HDAC4: variants seen among roughly 807,000 people sequenced by gnomAD.
The protein encoded by HDAC4 is histone deacetylase 4.
HDAC4 carries 16 observed loss-of-function variants against 135.1 expected under a neutral mutation model. The ratio of observed to expected loss-of-function variants is 0.12; its 90% CI spans 0.08 to 0.18. The LOEUF (loss-of-function observed/expected upper bound fraction) is 0.18. Ranked by LOEUF, HDAC4 falls within the 10% of genes least tolerant of loss-of-function variation. HDAC4 has a pLI of 1.00. For synonymous variants in HDAC4, 685 were observed against 653.4 expected (o/e 1.05, Z -0.74); for missense variants, 1,143 against 1,511.8 (o/e 0.76, Z 4.05).
At chr2:239,275,876 T>C (rs1450926997) in intron 2 of HDAC4, among the ~76,000 whole-genome samples, 1 of 152,114 alleles carries the variant, frequency 6.6e-6, no homozygotes, top group Admixed American at 6.5e-5. Flanking sequence ...CCTGAAGGTA[T>C]GGGGCGGAGA....
chr2:239,106,921 G>A (rs574363284), intron 15 of HDAC4, among the ~76,000 whole-genome samples: 56 of 152,292 alleles, frequency 3.7e-4, no homozygotes, highest in Admixed American at 2.3e-3. Flanking sequence ...CACCCTGTGC[G>A]CTATCTGTAG....
intron 11 of HDAC4, among the ~76,000 whole-genome samples, chr2:239,129,197 C>T (rs1408426188): frequency 6.6e-6 from 1 of 152,212 alleles, no homozygotes; most frequent in Admixed American, 6.5e-5. Flanking sequence ...AAACCCAGGG[C>T]CGCCATACAC....
At chr2:239,367,982 T>C (rs1245861037) in intron 1 of HDAC4, among the ~76,000 whole-genome samples, 1 of 151,684 alleles carries the variant, frequency 6.6e-6, no homozygotes, top group Non-Finnish European at 1.5e-5. Context: ...CGTCTCAAAA[T>C]AAATAAATAA....
At chr2:239,337,890 A>G (rs1692047682) in intron 2 of HDAC4, among the ~76,000 whole-genome samples, 1 of 152,182 alleles carries the variant, frequency 6.6e-6, no homozygotes, top group African/African-American at 2.4e-5. Flanking sequence ...CAAGAGAACA[A>G]GAAATGCTGG....
chr2:239,315,302 G>A (rs990366607), intron 2 of HDAC4, among the ~76,000 whole-genome samples: 3 of 152,118 alleles, frequency 2.0e-5, no homozygotes, highest in Non-Finnish European at 2.9e-5. Context: ...AGCACCTCTT[G>A]AGGCTGTGTC....
intron 17 of HDAC4, among the ~76,000 whole-genome samples, chr2:239,093,367 C>G (rs2036701014): frequency 6.6e-6 from 1 of 152,292 alleles, no homozygotes; most frequent in East Asian, 1.9e-4. Context: ...CTTCGGCTCC[C>G]GAGGTCTACT....
At chr2:239,375,913 A>AC (rs1184373618) in intron 1 of HDAC4, among the ~76,000 whole-genome samples, 1 of 152,000 alleles carries the variant, frequency 6.6e-6, no homozygotes, top group Non-Finnish European at 1.5e-5. Flanking sequence ...CCTGGCAGTC[A>AC]CCCCACCCGA....
chr2:239,342,639 T>C (rs1353232850), intron 2 of HDAC4, among the ~76,000 whole-genome samples: 8 of 152,200 alleles, frequency 5.3e-5, no homozygotes, highest in Admixed American at 5.2e-4. Context: ...GCTCTACAGC[T>C]GCCCGTCAGC....
intron 21 of HDAC4, among the ~76,000 whole-genome samples, 161 bp downstream of exon 21, chr2:239,081,941 G>A (rs1213570603): frequency 2.0e-5 from 3 of 152,368 alleles, no homozygotes; most frequent in Admixed American, 6.5e-5. Context: ...CACGCGATAC[G>A]ATGCAGGCTG....
chr2:239,129,851 A>G (rs1041633658), intron 11 of HDAC4, among the ~76,000 whole-genome samples: 2 of 152,160 alleles, frequency 1.3e-5, no homozygotes, highest in African/African-American at 4.8e-5. Flanking sequence ...GCAATACCCA[A>G]ACTAATTAGT....
chr2:239,254,896 A>G lies in HDAC4; in HGVS notation c.23-18232T>C, dbSNP rs143066853. Among the ~76,000 whole-genome samples the G allele has an allele frequency of 1.1e-4, 17 of 152,374 alleles. No homozygotes were observed. The East Asian group carries it at 3.3e-3, about 29-fold the overall frequency. On this transcript the variant is annotated intron_variant, in intron 2 of 26. Transcript: ENST00000543185. ...AAAAAGATCTTAAAAGCACCAAGGT[A>G]GGAAAGTTAGATGATCTAAGAACAT...
chr2:239,398,141 T>A (rs1035390434), intron 1 of HDAC4, among the ~76,000 whole-genome samples: 2 of 152,222 alleles, frequency 1.3e-5, no homozygotes, highest in African/African-American at 4.8e-5. Context: ...CCCCGCTGCC[T>A]CTCAGCAACG....
intron 2 of HDAC4, among the ~76,000 whole-genome samples, chr2:239,272,808 G>C (rs1575581009): frequency 6.6e-6 from 1 of 152,222 alleles, no homozygotes; most frequent in Non-Finnish European, 1.5e-5. Context: ...TAGGGGACAA[G>C]AGCAGCAGAG....
At chr2:239,389,493 C>T (rs567582762) in intron 1 of HDAC4, among the ~76,000 whole-genome samples, 1 of 152,220 alleles carries the variant, frequency 6.6e-6, no homozygotes, top group East Asian at 1.9e-4. Context: ...TAACACTCAC[C>T]GCAAAGGTCT....
At chr2:239,148,513 A>C (rs1040413963) in intron 7 of HDAC4, among the ~76,000 whole-genome samples, 4 of 152,178 alleles carry the variant, frequency 2.6e-5, no homozygotes, top group Non-Finnish European at 5.9e-5. Context: ...CTGGGGACAA[A>C]GGCTCGGCCT....
intron 5 of HDAC4, among the ~76,000 whole-genome samples, chr2:239,164,404 A>G (rs2043003787): frequency 1.3e-5 from 2 of 152,252 alleles, no homozygotes; most frequent in Admixed American, 6.5e-5. Context: ...CTCTGCTTCC[A>G]ACAGCATCAA....
intron 11 of HDAC4, among the ~76,000 whole-genome samples, chr2:239,132,801 C>T (rs1463071134): frequency 6.6e-6 from 1 of 152,244 alleles, no homozygotes; most frequent in Non-Finnish European, 1.5e-5. Context: ...ACAAACATCT[C>T]TGACGAAGTG....
intron 2 of HDAC4, among the ~76,000 whole-genome samples, chr2:239,280,070 C>T (rs1011103355): frequency 6.6e-6 from 1 of 152,168 alleles, no homozygotes; most frequent in Non-Finnish European, 1.5e-5. Context: ...CCTGGGATTC[C>T]AGCTCGTCAG....
intron 2 of HDAC4, among the ~76,000 whole-genome samples, chr2:239,340,983 A>G (rs966663044): frequency 1.3e-5 from 2 of 152,182 alleles, no homozygotes; most frequent in Admixed American, 6.5e-5. Context: ...CATCTCCACC[A>G]TCATCAGAGC....
Sources: allele counts gnomAD v4.1 joint callset (sites outside exome capture counted in the v4.1 genomes callset), GRCh38; gene constraint gnomAD v4.1.1; transcripts MANE v1.5; gene names NCBI Gene and HGNC (gene_info 2026-07-23, HGNC 2026-07-21).